CNTLN: variants seen among roughly 807,000 people sequenced by gnomAD.
The protein encoded by CNTLN is centlein, also known as centlein, centrosomal protein.
CNTLN carries 212 observed loss-of-function variants against 180.0 expected under a neutral mutation model. The ratio of observed to expected loss-of-function variants is 1.18; its 90% CI spans 1.05 to 1.32. CNTLN has a LOEUF of 1.32. Ranked by LOEUF, CNTLN falls within the 40% of genes most tolerant of loss-of-function variation. The pLI, the probability that CNTLN is intolerant of heterozygous loss-of-function variation, is 0.00. For synonymous variants in CNTLN, 722 were observed against 563.1 expected, an observed-to-expected ratio of 1.28 and a Z score of -3.99; for missense variants, 2,095 against 1,610.9, an observed-to-expected ratio of 1.30 and a Z score of -5.14.
intron 8 of CNTLN, among the ~76,000 whole-genome samples, chr9:17,313,770 G>C (rs1310003807): frequency 6.6e-6 from 1 of 152,064 alleles, no homozygotes; most frequent in Non-Finnish European, 1.5e-5. Flanking sequence ...ATTTTTCAGT[G>C]TTGGTCCACA....
chr9:17,471,971 A>G (rs909681965), intron 23 of CNTLN, among the ~76,000 whole-genome samples: 1 of 152,156 alleles, frequency 6.6e-6, no homozygotes. Context: ...GGTGGAAGGT[A>G]AAACATTTCA....
chr9:17,195,638 C>G (rs1822081348), intron 2 of CNTLN, among the ~76,000 whole-genome samples: 1 of 151,996 alleles, frequency 6.6e-6, no homozygotes, highest in Admixed American at 6.6e-5. Context: ...TAATATGTGC[C>G]CAGCATTCTG....
chr9:17,353,819 G>T (rs1216766032), intron 12 of CNTLN, among the ~76,000 whole-genome samples: 1 of 152,052 alleles, frequency 6.6e-6, no homozygotes, highest in African/African-American at 2.4e-5. Flanking sequence ...CCTCTACCTG[G>T]GCTCCCACTT....
intron 2 of CNTLN, among the ~76,000 whole-genome samples, chr9:17,177,504 C>T (rs1363234759): frequency 6.6e-6 from 1 of 152,144 alleles, no homozygotes; most frequent in Non-Finnish European, 1.5e-5. Flanking sequence ...AAGCTGCGGA[C>T]CCTTGTGGTG....
At chr9:17,237,681 T>A (rs1330870084) in intron 5 of CNTLN, among the ~76,000 whole-genome samples, 1 of 152,040 alleles carries the variant, frequency 6.6e-6, no homozygotes, top group Non-Finnish European at 1.5e-5. Context: ...GATTTTGGTA[T>A]TTGGAGACCC....
At chr9:17,452,641 C>G (rs1182796586) in intron 18 of CNTLN, among the ~76,000 whole-genome samples, 1 of 152,062 alleles carries the variant, frequency 6.6e-6, no homozygotes, top group Non-Finnish European at 1.5e-5. Flanking sequence ...CTTTTTCTTA[C>G]TGAAAACAGA....
At chr9:17,148,305 A>G (rs953790833) in intron 2 of CNTLN, among the ~76,000 whole-genome samples, 8 of 152,206 alleles carry the variant, frequency 5.3e-5, no homozygotes, top group Non-Finnish European at 8.8e-5. Context: ...AAGTCACTAC[A>G]AATACTTAAT....
rs1028096966 is a variant in CNTLN, at chr9:17,196,012, G to C, written c.450-30191G>C. On this transcript the variant is annotated intron_variant, in intron 2 of 25. Coordinates refer to ENST00000380647, the MANE Select transcript of CNTLN (RefSeq NM_017738.4). Reference sequence around the variant, plus strand: ...ACAGAATTAAAAGTCATATAGATCAGAGTTTTTTATTATTATTTTTTACTT... The same window carrying C: ...ACAGAATTAAAAGTCATATAGATCACAGTTTTTTATTATTATTTTTTACTT... 3.3e-5 allele frequency among the ~76,000 whole-genome samples: 5 copies of C among 152,072 alleles called. 1 individual carries two copies. The South Asian group carries it at 1.0e-3, about 32-fold the overall frequency.
At chr9:17,401,002 G>C (rs1311245931) in intron 15 of CNTLN, among the ~76,000 whole-genome samples, 1 of 152,056 alleles carries the variant, frequency 6.6e-6, no homozygotes, top group African/African-American at 2.4e-5. Flanking sequence ...ATTTTTTAAT[G>C]ACCTATACAT....
intron 12 of CNTLN, among the ~76,000 whole-genome samples, chr9:17,352,432 G>A (rs1447333773): frequency 7.6e-6 from 1 of 131,078 alleles, no homozygotes; most frequent in Non-Finnish European, 1.6e-5. Context: ...TTTTTTTTTG[G>A]TATGTAGAAA....
chr9:17,235,428 T>C (rs1326575192), intron 3 of CNTLN, among the ~76,000 whole-genome samples: 7 of 152,170 alleles, frequency 4.6e-5, no homozygotes, highest in African/African-American at 1.7e-4. Context: ...TATGATTTAA[T>C]ATTTAATATC....
At chr9:17,492,855 A>G (rs915966695) in intron 25 of CNTLN, among the ~76,000 whole-genome samples, 27 of 152,334 alleles carry the variant, frequency 1.8e-4, no homozygotes, top group African/African-American at 6.5e-4. Context: ...CCGATGAATG[A>G]ATGGATAAAC....
intron 8 of CNTLN, among the ~76,000 whole-genome samples, chr9:17,326,300 G>A (rs1476918482): frequency 1.3e-5 from 2 of 151,856 alleles, no homozygotes; most frequent in East Asian, 3.9e-4. Context: ...TTTAATATTA[G>A]AGAAAAAAAT....
chr9:17,244,339 G>A (rs553403087), intron 5 of CNTLN, among the ~76,000 whole-genome samples: 2 of 152,016 alleles, frequency 1.3e-5, no homozygotes, highest in African/African-American at 4.8e-5. Flanking sequence ...AGCCTCTTGA[G>A]TAGCTGAGGC....
At chr9:17,358,465 A>G (rs10963065) in intron 12 of CNTLN, among the ~76,000 whole-genome samples, 34,600 of 152,102 alleles carry the variant, frequency 0.23, 4,222 homozygotes, top group South Asian at 0.34. Flanking sequence ...AGACATACAC[A>G]TTTGTAAAAA....
chr9:17,429,934 C>T (rs1829316826), intron 18 of CNTLN, among the ~76,000 whole-genome samples: 1 of 151,924 alleles, frequency 6.6e-6, no homozygotes, highest in African/African-American at 2.4e-5. Context: ...TTACTAGTTT[C>T]ATTTGAATGG....
chr9:17,313,381 C>T (rs1214053551), intron 8 of CNTLN, among the ~76,000 whole-genome samples: 2 of 151,370 alleles, frequency 1.3e-5, no homozygotes, highest in South Asian at 2.1e-4. Flanking sequence ...TTCTCTGCCT[C>T]TCTTTTTCTT....
chr9:17,317,461 T>C (rs1318216426), intron 8 of CNTLN, among the ~76,000 whole-genome samples: 1 of 152,210 alleles, frequency 6.6e-6, no homozygotes, highest in African/African-American at 2.4e-5. Flanking sequence ...TATTCTACTA[T>C]GTGTTAGGTG....
intron 2 of CNTLN, among the ~76,000 whole-genome samples, chr9:17,173,705 G>T (rs1820549055): frequency 6.6e-6 from 1 of 152,128 alleles, no homozygotes; most frequent in African/African-American, 2.4e-5. Context: ...AAGACTTAAA[G>T]GGTGTTTTCA....
Sources: allele counts gnomAD v4.1 joint callset (sites outside exome capture counted in the v4.1 genomes callset), GRCh38; gene constraint gnomAD v4.1.1; transcripts MANE v1.5; gene names NCBI Gene and HGNC (gene_info 2026-07-23, HGNC 2026-07-21).